Variants in SIN3B observed in about 807,000 individuals in gnomAD.
SIN3B encodes the protein paired amphipathic helix protein Sin3b.
In SIN3B, 19 loss-of-function variants were observed where a neutral mutation model predicts 120.2. The ratio of observed to expected loss-of-function variants is 0.16; its 90% CI spans 0.11 to 0.23. The LOEUF (loss-of-function observed/expected upper bound fraction) is 0.23, where lower values mean the gene tolerates loss of function less well. Ranked by LOEUF, SIN3B falls within the 10% of genes least tolerant of loss-of-function variation. SIN3B has a pLI of 1.00. For synonymous variants in SIN3B, 654 were observed against 653.2 expected (o/e 1.00, Z -0.02); for missense variants, 1,073 against 1,573.0 (o/e 0.68, Z 5.38).
At chr19:16,854,296 G>A (rs771030815) in intron 8 of SIN3B, 35 bp downstream of exon 8, 6 of 1,393,200 alleles carry the variant, frequency 4.3e-6, no homozygotes, top group Non-Finnish European at 6.0e-6. Flanking sequence ...CCCTAGGGGG[G>A]TTCTGTTCCT....
At position 16,851,471 on chromosome 19, in the gene SIN3B, C is replaced by T. The variant is rs937280188; in HGVS notation, c.786C>T (p.Thr262=). ...HSVQKNEHDK[T]PEHSRKRSRP... ...TGCAGAAGAACGAGCACGACAAGACCCCGGAGCACAGCAGGAAGCGCTCCC... is the reference window on the plus strand; with the variant it reads ...TGCAGAAGAACGAGCACGACAAGACTCCGGAGCACAGCAGGAAGCGCTCCC... Residue 262 remains threonine, a synonymous_variant, in exon 6 of 19, where the codon ACC becomes ACT. Transcript: ENST00000248054. The T allele has an allele frequency of 3.1e-6, 5 of 1,610,088 alleles. No individual in the cohort carries two copies. The highest frequency in any genetic ancestry group is 1.3e-5 in the African/African-American group (1 of 74,788).
intron 6 of SIN3B, among the ~76,000 whole-genome samples, chr19:16,852,422 C>T (rs952754703): frequency 1.3e-5 from 2 of 152,154 alleles, no homozygotes; most frequent in Non-Finnish European, 2.9e-5. Context: ...ACCACCACAC[C>T]TTTTTGTAGA....
chr19:16,876,350 G>C lies in SIN3B; in HGVS notation c.2766+122G>C, dbSNP rs2144633527. On this transcript the variant is annotated intron_variant, in intron 15 of 18. Transcript: ENST00000248054. This position sits in a 1 kb window ranked among gnomAD's most constrained non-coding sequence, Gnocchi z 7.1. ...ACACCGGCCCTGCTGCAGAGCCCAT[G>C]AGGTACCTTTGACCTGCAGGAAGCA... is the stretch of plus-strand genomic sequence containing the variant. 1.4e-6 allele frequency: 2 copies of C among 1,397,324 alleles called. No individual in the cohort carries two copies. The highest frequency in any genetic ancestry group is 2.1e-5 in the Admixed American group (1 of 47,592). 86.6% of individuals were successfully genotyped at this position (1,397,324 alleles called of 1,614,324 possible). A position where few individuals can be genotyped will look rare whatever the true frequency, so the allele number is the denominator to read the frequency against.
chr19:16,865,306 A>ACCCC (rs10625481), intron 10 of SIN3B, 104 bp from the exon 11 acceptor site: 53 of 388,646 alleles, frequency 1.4e-4, no homozygotes, highest in Non-Finnish European at 2.0e-4. Flanking sequence ...AAATACACAC[A>ACCCC]CCCCCCCCCC....
intron 10 of SIN3B, among the ~76,000 whole-genome samples, chr19:16,864,099 G>A (rs1017812383): frequency 8.5e-5 from 13 of 152,146 alleles, no homozygotes; most frequent in African/African-American, 1.2e-4. Context: ...TTTGAGACCA[G>A]CCTGGGCAAC....
At position 16,856,431 on chromosome 19, in the gene SIN3B, C is replaced by T. The variant is rs576590278; in HGVS notation, c.1058+2170C>T. On this transcript the variant is annotated intron_variant, in intron 8 of 18. Coordinates refer to ENST00000248054, the MANE Select transcript of SIN3B (RefSeq NM_001297595.2). ...GGGGTTCCTGAGAGCTGCAGGTGGG[C>T]GCTACCTGCAGGGCCCTTCAAATAC... Among the ~76,000 whole-genome samples the T allele has an allele frequency of 1.9e-3, 294 of 152,110 alleles. 1 individual carries two copies. Among genetic ancestry groups the T allele is most frequent in the Non-Finnish European group, 3.8e-3 (257 of 67,982 alleles).
At chr19:16,853,739 G>T (rs1289894532) in intron 7 of SIN3B, among the ~76,000 whole-genome samples, 1 of 147,630 alleles carries the variant, frequency 6.8e-6, no homozygotes, top group African/African-American at 2.5e-5. Flanking sequence ...TCACATGCAC[G>T]AACTGAATTG....
At chr19:16,847,181 A>T in intron 5 of SIN3B, 68 bp downstream of exon 5, 5 of 1,540,902 alleles carry the variant, frequency 3.2e-6, no homozygotes, top group Non-Finnish European at 3.5e-6. Flanking sequence ...AGCCAGCTTG[A>T]CCCATGTCCG....
Position 16,878,519 on chromosome 19 carries a change from G to A in SIN3B, c.3185G>A (p.Arg1062His), listed in dbSNP as rs771879389. The A allele has an allele frequency of 4.4e-6, 7 of 1,583,184 alleles. No individual in the cohort carries two copies. The highest frequency in any genetic ancestry group is 3.4e-5 in the South Asian group (3 of 87,316). The change falls in exon 19 of 19, where the codon CGC (arginine) becomes CAC (histidine). Residue 1062 changes from arginine to histidine, a missense_variant. Physicochemically the swap from Arg to His is conservative, Grantham distance 29. Transcript: ENST00000248054. ...CAGGTGCAGCCCCTGGTCCTGCTCC[G>A]CCACCACCAGCACTTTGAGGAGTGG... ...AKQVQPLVLL[R>H]HHQHFEEWHS...
chr19:16,875,191 CTGGTCTGGTCTGGTCTGTCTGGTCTGGTT>C lies in SIN3B; in HGVS notation c.2593-846_2593-818del, dbSNP rs1568427667. Among the ~76,000 whole-genome samples the C allele has an allele frequency of 1.2e-4, 15 of 124,220 alleles. No individual in the cohort carries two copies. The East Asian group carries it at 2.8e-3, about 23-fold the overall frequency. The allele number at this position is 124,220 out of a possible 152,430, so 81.5% of individuals were successfully genotyped here. A position where few individuals can be genotyped will look rare whatever the true frequency, so the allele number is the denominator to read the frequency against. On this transcript the variant is annotated intron_variant, in intron 14 of 18. Transcript: ENST00000248054. Reference sequence around the variant, plus strand: ...TCTGGTCTGGTCTGTTTGGTCTGGTCTGGTCTGGTCTGGTCTGTCTGGTCTGGTTTGGTCTGGTCTGGTCTGGTCTGTTT... The same window carrying C: ...TCTGGTCTGGTCTGTTTGGTCTGGTCTGGTCTGGTCTGGTCTGGTCTGTTT...
intron 10 of SIN3B, among the ~76,000 whole-genome samples, chr19:16,864,588 T>C (rs1317511912): frequency 1.3e-5 from 2 of 151,998 alleles, no homozygotes; most frequent in Non-Finnish European, 2.9e-5. Flanking sequence ...CACCTTGGCC[T>C]TCCAAAGTGC....
chr19:16,846,905 G>A (rs1040913861), intron 4 of SIN3B, 65 bp from the exon 5 acceptor site: 2 of 1,546,728 alleles, frequency 1.3e-6, no homozygotes, highest in South Asian at 1.2e-5. Context: ...CTGCCTGAGT[G>A]TCCCGGCCCA....
chr19:16,876,285 C>G lies in SIN3B; in HGVS notation c.2766+57C>G. 1 of 1,561,900 alleles carries G rather than the reference C, an allele frequency of 6.4e-7. No homozygotes were observed. Among genetic ancestry groups the G allele is most frequent in the East Asian group, 2.3e-5 (1 of 44,258 alleles). ...GGGAGGCCCGGCCGCTCACTCCGCT[C>G]TGGACTCAGTCCTGGGTGGACCCTG... On this transcript the variant is annotated intron_variant, in intron 15 of 18. Transcript: ENST00000248054. This position sits in a 1 kb window ranked among gnomAD's most constrained non-coding sequence, Gnocchi z 7.1.
intron 3 of SIN3B, among the ~76,000 whole-genome samples, chr19:16,833,661 G>A (rs1055373224): frequency 1.3e-5 from 2 of 151,380 alleles, no homozygotes; most frequent in African/African-American, 4.8e-5. Flanking sequence ...CTGCTTCTCT[G>A]TGCAAGACCC....
chr19:16,871,898 G>C (rs2051516535), intron 14 of SIN3B, among the ~76,000 whole-genome samples: 1 of 152,128 alleles, frequency 6.6e-6, no homozygotes, highest in Non-Finnish European at 1.5e-5. Context: ...CCGTGTCCCT[G>C]TTGACAAACC....
At position 16,862,772 on chromosome 19, in the gene SIN3B, T is replaced by C; in HGVS notation, c.1266+213T>C. 1 of 1,041,002 alleles carries C rather than the reference T, an allele frequency of 9.6e-7. No homozygotes were observed. Among genetic ancestry groups the C allele is most frequent in the Non-Finnish European group, 1.5e-6 (1 of 674,300 alleles). 64.5% of individuals were successfully genotyped at this position (1,041,002 alleles called of 1,614,324 possible). ...CTGGTAGTTTTGGCAAAACACAGAG[T>C]GCCAGGGATAACGTGGAGTTCGGCT... On this transcript the variant is annotated intron_variant, in intron 9 of 18. Transcript: ENST00000248054. This position sits in a 1 kb window ranked among gnomAD's most constrained non-coding sequence, Gnocchi z 4.7.
chr19:16,845,473 A>G (rs1371492349), intron 4 of SIN3B, among the ~76,000 whole-genome samples: 1 of 152,114 alleles, frequency 6.6e-6, no homozygotes, highest in African/African-American at 2.4e-5. Flanking sequence ...GGGTTTCACC[A>G]TCTTGGCTAG....
In SIN3B at chr19:16,869,433, A is replaced by G. The variant is rs112493712; in HGVS notation, c.1807-27A>G. 5,475 of 1,579,764 alleles carry G rather than the reference A, an allele frequency of 3.5e-3. 194 individuals are homozygous for G. In the African/African-American group the frequency reaches 0.065, roughly 19 times the overall value. The stretch of plus-strand genomic sequence containing the variant: ...TCCTCTGGGTGCTGGGTGGCTTTCC[A>G]CCTAATGGCCGCCCTTCCCCCCACA... On this transcript the variant is annotated intron_variant, in intron 12 of 18. Coordinates refer to ENST00000248054, the MANE Select transcript of SIN3B (RefSeq NM_001297595.2).
chr19:16,867,357 C>T (rs1287769799), intron 12 of SIN3B, among the ~76,000 whole-genome samples: 1 of 152,234 alleles, frequency 6.6e-6, no homozygotes, highest in African/African-American at 2.4e-5. Flanking sequence ...CATGTCCTCA[C>T]TGCAGGCTCA....
Sources: gnomAD v4.1 joint callset for allele counts (sites outside exome capture counted in the v4.1 genomes callset) on GRCh38, gnomAD v4.1.1 for gene constraint, Gnocchi (gnomAD v3.1) non-coding constraint, MANE v1.5 for transcripts, NCBI Gene and HGNC (gene_info 2026-07-23, HGNC 2026-07-21) for gene names.